DNAH10: variants seen among roughly 807,000 people sequenced by gnomAD.
DNAH10 encodes the protein axonemal beta dynein heavy chain 10.
Under a neutral mutation model 506.6 loss-of-function variants are expected in DNAH10, and 348 were observed. That is an observed-to-expected ratio of 0.69 (90% CI 0.63 to 0.75). The LOEUF (loss-of-function observed/expected upper bound fraction) is 0.75. DNAH10 is among the 30% of genes least tolerant of loss of function. The pLI is 0.00. For missense variants in DNAH10, 5,179 were observed against 5,787.1 expected, an observed-to-expected ratio of 0.89 and a Z score of 3.41; for synonymous variants, 2,059 against 2,198.6, an observed-to-expected ratio of 0.94 and a Z score of 1.78.
Position 123,873,686 on chromosome 12 carries a change from C to A in DNAH10, c.7914C>A (p.Phe2638Leu). The A allele has an allele frequency of 6.2e-7, 1 of 1,611,116 alleles. No homozygotes were observed. Among genetic ancestry groups the A allele is most frequent in the East Asian group, 2.2e-5 (1 of 44,838 alleles). Residue 2638 changes from phenylalanine (F) to leucine (L), a missense_variant, in exon 46 of 79, where the codon TTC becomes TTA. Phe to Leu is a conservative substitution (Grantham distance 22, BLOSUM62 0). Coordinates refer to ENST00000673944, the MANE Select transcript of DNAH10 (RefSeq NM_001372106.1). ...GPPMGKRLLV[F>L]MDDMNMPRVD... is the part of the protein sequence containing the mutation. ...CCATGGGAAAACGCCTGCTGGTGTT[C>A]ATGGATGACATGAATATGCCAAGGG...
intron 51 of DNAH10, among the ~76,000 whole-genome samples, chr12:123,885,098 C>A (rs1566046022): frequency 1.3e-5 from 2 of 151,970 alleles, no homozygotes; most frequent in Non-Finnish European, 2.9e-5. Flanking sequence ...TGGATGTGAC[C>A]CCATCGTTAA....
At position 123,881,824 on chromosome 12, in the gene DNAH10, G is replaced by A. The variant is rs758128178; in HGVS notation, c.8823+11G>A. 4.2e-5 allele frequency: 62 copies of A among 1,470,192 alleles called. 1 individual carries two copies. The Admixed American group carries it at 6.6e-4, about 16-fold the overall frequency. 91.1% of individuals were successfully genotyped at this position (1,470,192 alleles called of 1,614,324 possible). A position where few individuals can be genotyped will look rare whatever the true frequency, so the allele number is the denominator to read the frequency against. On this transcript the variant is annotated intron_variant, in intron 51 of 78. Coordinates refer to ENST00000673944, the MANE Select transcript of DNAH10 (RefSeq NM_001372106.1). ...ACAGCCAGCTGTGAGGTCAGTCCAC[G>A]TACCCTCCCAGAAATAGGTTTACGA... is the stretch of plus-strand genomic sequence containing the variant.
chr12:123,831,241 A>C (rs1324704525), intron 26 of DNAH10, among the ~76,000 whole-genome samples: 1 of 145,812 alleles, frequency 6.9e-6, no homozygotes. Flanking sequence ...TTCTTTGCCT[A>C]CTTAAAAATG....
intron 8 of DNAH10, among the ~76,000 whole-genome samples, chr12:123,784,574 G>A (rs1312226334): frequency 2.0e-5 from 3 of 152,136 alleles, no homozygotes; most frequent in African/African-American, 7.2e-5. Context: ...TTAAAAAATT[G>A]TGATAAAATA....
At position 123,853,709 on chromosome 12, in the gene DNAH10, G is replaced by C. The variant is rs936297805; in HGVS notation, c.6438+357G>C. Among the ~76,000 whole-genome samples the C allele has an allele frequency of 2.6e-5, 4 of 152,160 alleles. No homozygotes were observed. The highest frequency in any genetic ancestry group is 4.4e-5 in the Non-Finnish European group (3 of 68,028). On this transcript the variant is annotated intron_variant, in intron 36 of 78. Coordinates refer to ENST00000673944, the MANE Select transcript of DNAH10 (RefSeq NM_001372106.1). The surrounding 1 kb of genome is among the most constrained non-coding windows in gnomAD (Gnocchi z 4.7). The stretch of plus-strand genomic sequence containing the variant: ...ATTTTCTCTTTGAAACAAAAGAGGG[G>C]AACAATTGTGTTTTTTTTACATGGA...
In DNAH10 at chr12:123,918,600, C is replaced by T. The variant is rs148860873; in HGVS notation, c.11233-76C>T. On this transcript the variant is annotated intron_variant, in intron 64 of 78. Coordinates refer to ENST00000673944, the MANE Select transcript of DNAH10 (RefSeq NM_001372106.1). ...CTGAAGCATTGTACATACCTCTCTG[C>T]TGTCCCCCTGCCCCTCCTGCCCTCT... 7.0e-4 allele frequency: 1,049 copies of T among 1,496,140 alleles called. 2 individuals carry two copies. Among genetic ancestry groups the T allele is most frequent in the Middle Eastern group, 6.5e-3 (36 of 5,532 alleles). The allele number at this position is 1,496,140 out of a possible 1,614,324, so 92.7% of individuals were successfully genotyped here. A position where few individuals can be genotyped will look rare whatever the true frequency, so the allele number is the denominator to read the frequency against.
intron 57 of DNAH10, chr12:123,908,372 C>G (rs935904125): frequency 8.8e-6 from 4 of 456,206 alleles, no homozygotes; most frequent in Non-Finnish European, 1.8e-5. Context: ...TGGGCCCCTG[C>G]CTGGCCGCCC....
chr12:123,819,706 T>TG (rs1467848068), intron 23 of DNAH10, among the ~76,000 whole-genome samples: 8 of 145,530 alleles, frequency 5.5e-5, no homozygotes, highest in African/African-American at 2.0e-4. Flanking sequence ...TTCTGTTTTT[T>TG]TTTTTTTTTT....
intron 9 of DNAH10, among the ~76,000 whole-genome samples, chr12:123,786,303 C>T (rs1240845272): frequency 2.7e-5 from 4 of 147,276 alleles, no homozygotes; most frequent in East Asian, 2.0e-4. Flanking sequence ...GGCGACACAG[C>T]GAGATTCTGT....
In DNAH10 at chr12:123,853,854, G is replaced by A. The variant is rs536172885; in HGVS notation, c.6438+502G>A. ...CACACACGCACACGCACGGACACAC[G>A]CACGCGCACACACACACGGATACAT... On this transcript the variant is annotated intron_variant, in intron 36 of 78. Coordinates refer to ENST00000673944, the MANE Select transcript of DNAH10 (RefSeq NM_001372106.1). This position sits in a 1 kb window ranked among gnomAD's most constrained non-coding sequence, Gnocchi z 4.7. Among the ~76,000 whole-genome samples the A allele has an allele frequency of 4.0e-4, 53 of 131,596 alleles. No homozygotes were observed. In the South Asian group the frequency reaches 9.9e-3, roughly 25 times the overall value. 86.3% of individuals were successfully genotyped at this position (131,596 alleles called of 152,430 possible). A position where few individuals can be genotyped will look rare whatever the true frequency, so the allele number is the denominator to read the frequency against.
chr12:123,875,113 C>A (rs546046553), intron 46 of DNAH10, 118 bp from the exon 47 acceptor site: 1 of 1,185,844 alleles, frequency 8.4e-7, no homozygotes, highest in Admixed American at 2.7e-5. Context: ...AAACTGAAAC[C>A]GAGGTGCCCT....
chr12:123,928,692 T>A lies in DNAH10; in HGVS notation c.12306+105T>A. 7.7e-7 allele frequency: 1 copy of A among 1,306,584 alleles called. No individual in the cohort carries two copies. Among genetic ancestry groups the A allele is most frequent in the Non-Finnish European group, 1.0e-6 (1 of 967,388 alleles). 80.9% of individuals were successfully genotyped at this position (1,306,584 alleles called of 1,614,324 possible). A position where few individuals can be genotyped will look rare whatever the true frequency, so the allele number is the denominator to read the frequency against. On this transcript the variant is annotated intron_variant, in intron 70 of 78. Coordinates refer to ENST00000673944, the MANE Select transcript of DNAH10 (RefSeq NM_001372106.1). The surrounding 1 kb of genome is among the most constrained non-coding windows in gnomAD (Gnocchi z 4.9). Reference sequence around the variant, plus strand: ...GCCTTTGTCTGTGTAGAAATAAACCTTAGGCTGCAGGTGAAACCTTGCGGT... The same window carrying A: ...GCCTTTGTCTGTGTAGAAATAAACCATAGGCTGCAGGTGAAACCTTGCGGT...
Position 123,917,498 on chromosome 12 carries a change from C to T in DNAH10, c.11003-86C>T, listed in dbSNP as rs1954533395. 1.4e-6 allele frequency: 2 copies of T among 1,388,044 alleles called. No individual in the cohort carries two copies. Among genetic ancestry groups the T allele is most frequent in the South Asian group, 2.6e-5 (2 of 75,548 alleles). The allele number at this position is 1,388,044 out of a possible 1,614,324, so 86.0% of individuals were successfully genotyped here. ...TCTGGCCTGCTGGCTGAGACCCGCGCTAAGCTTGTCCCGTCACAGCAGGGC... is the reference window on the plus strand; with the variant it reads ...TCTGGCCTGCTGGCTGAGACCCGCGTTAAGCTTGTCCCGTCACAGCAGGGC... On this transcript the variant is annotated intron_variant, in intron 63 of 78. Coordinates refer to ENST00000673944, the MANE Select transcript of DNAH10 (RefSeq NM_001372106.1). This position sits in a 1 kb window ranked among gnomAD's most constrained non-coding sequence, Gnocchi z 5.6.
intron 1 of DNAH10, among the ~76,000 whole-genome samples, chr12:123,763,263 C>T (rs1956895869): frequency 6.6e-6 from 1 of 152,170 alleles, no homozygotes; most frequent in Non-Finnish European, 1.5e-5. Context: ...GCCAGGGACA[C>T]TGAGAGGGCA....
chr12:123,808,961 C>T lies in DNAH10; in HGVS notation c.3144+8C>T, dbSNP rs200194704. The T allele has an allele frequency of 2.1e-4, 340 of 1,613,930 alleles. 1 individual carries two copies. The highest frequency in any genetic ancestry group is 2.4e-4 in the Non-Finnish European group (287 of 1,179,906). On this transcript the variant is annotated splice_region_variant and intron_variant, in intron 19 of 78. Coordinates refer to ENST00000673944, the MANE Select transcript of DNAH10 (RefSeq NM_001372106.1). ...TGCGTGGAGATCACCAAGGTGAGAGCGGAGGTGCTTGTGTCCTTGCTCAGA... is the reference window on the plus strand; with the variant it reads ...TGCGTGGAGATCACCAAGGTGAGAGTGGAGGTGCTTGTGTCCTTGCTCAGA...
chr12:123,933,729 ACCTGG>A (rs2137765600), intron 77 of DNAH10, among the ~76,000 whole-genome samples: 1 of 152,232 alleles, frequency 6.6e-6, no homozygotes, highest in East Asian at 1.9e-4. Flanking sequence ...CTCCGTTGAG[ACCTGG>A]GGTCTATGGC....
chr12:123,782,043 C>A (rs879474620), intron 6 of DNAH10, among the ~76,000 whole-genome samples: 1 of 152,108 alleles, frequency 6.6e-6, no homozygotes, highest in Non-Finnish European at 1.5e-5. Flanking sequence ...TGCTGAAATT[C>A]CTGCTGGATG....
chr12:123,838,776 A>G (rs1950661339), intron 29 of DNAH10, 87 bp downstream of exon 29: 8 of 1,242,904 alleles, frequency 6.4e-6, no homozygotes, highest in Non-Finnish European at 9.1e-6. Flanking sequence ...ATGAGGTTCA[A>G]CCCAGAGGGT....
chr12:123,934,494 G>C, intron 77 of DNAH10, 127 bp from the exon 78 acceptor site: 1 of 1,158,964 alleles, frequency 8.6e-7, no homozygotes, highest in Non-Finnish European at 1.3e-6. Context: ...GGCCTGGGCT[G>C]TCCCCAATGC....
Sources: allele counts gnomAD v4.1 joint callset (sites outside exome capture counted in the v4.1 genomes callset), GRCh38; gene constraint gnomAD v4.1.1; non-coding constraint Gnocchi (gnomAD v3.1); transcripts MANE v1.5; gene names NCBI Gene and HGNC (gene_info 2026-07-23, HGNC 2026-07-21).